TRMT2A: variants seen among roughly 807,000 people sequenced by gnomAD.
The protein encoded by TRMT2A is tRNA (uracil-5-)-methyltransferase homolog A.
In TRMT2A, 60 loss-of-function variants were observed where a neutral mutation model predicts 59.3. The ratio of observed to expected loss-of-function variants is 1.01; its 90% confidence interval spans 0.82 to 1.26. TRMT2A has a LOEUF of 1.26. Among genes scored for constraint, TRMT2A ranks in the 50% most tolerant of loss-of-function variants. The pLI is 0.00. For synonymous variants in TRMT2A, 403 were observed against 353.7 expected (o/e 1.14, Z -1.56); for missense variants, 863 against 845.2 (o/e 1.02, Z -0.26).
chr22:20,112,802 G>A lies in TRMT2A; in HGVS notation c.1647-8C>T, dbSNP rs750730065. ...GATGGGGCTCTGCAGAGGCTGTGGG[G>A]GGAAAAGGGGGGCGCTAAGGTCAGC... is the stretch of plus-strand genomic sequence containing the variant. On this transcript the variant is annotated splice_polypyrimidine_tract_variant and splice_region_variant and intron_variant, in intron 11 of 11. Transcript: ENST00000252136. 2 of 1,613,000 alleles carry A rather than the reference G, an allele frequency of 1.2e-6. No individual in the cohort carries two copies. Among genetic ancestry groups the A allele is most frequent in the Admixed American group, 1.7e-5 (1 of 60,010 alleles).
intron 9 of TRMT2A, 32 bp downstream of exon 9, chr22:20,113,400 T>TGCCCCCCCCC: frequency 6.7e-5 from 70 of 1,049,300 alleles, no homozygotes; most frequent in Non-Finnish European, 9.6e-5. Flanking sequence ...GCTGCCCCCA[T>TGCCCCCCCCC]CCCCACCCCC....
chr22:20,114,758 T>A lies in TRMT2A; in HGVS notation c.1121+3A>T. On this transcript the variant is annotated splice_donor_region_variant and intron_variant, in intron 6 of 11. Transcript: ENST00000252136. ...CCTGCCCCGCCCCACTCGGGCTCCT[T>A]ACCGCTGTCCCTCCTCCACGAAGTA... 6.2e-7 allele frequency: 1 copy of A among 1,612,288 alleles called. No homozygotes were observed. Among genetic ancestry groups the A allele is most frequent in the Non-Finnish European group, 8.5e-7 (1 of 1,179,738 alleles).
Position 20,114,705 on chromosome 22 carries a change from T to C in TRMT2A, c.1122-20A>G. 6.2e-7 allele frequency: 1 copy of C among 1,612,070 alleles called. No individual in the cohort carries two copies. Among genetic ancestry groups the C allele is most frequent in the Non-Finnish European group, 8.5e-7 (1 of 1,179,278 alleles). ...GTCTTTCTGTGGGCGAAGGTGCAGG[T>C]CCTTCAGTGTCACAGTCCCTGCAGG... On this transcript the variant is annotated intron_variant, in intron 6 of 11. Coordinates refer to ENST00000252136, the MANE Select transcript of TRMT2A (RefSeq NM_022727.6).
chr22:20,113,470 T>C lies in TRMT2A; in HGVS notation c.1394A>G (p.Glu465Gly). The change falls in exon 9 of 12, where the codon GAG (glutamate) becomes GGG (glycine). Residue 465 changes from glutamate to glycine, a missense_variant. By Grantham distance (98) the Glu-to-Gly change is moderately conservative (BLOSUM62 -2). Coordinates refer to ENST00000252136, the MANE Select transcript of TRMT2A (RefSeq NM_022727.6). ...KRVIGVELCP[E>G]AVEDARVNAQ... ...GTTCACCCGGGCGTCCTCCACAGCC[T>C]CTGGGCATAGCTCGACCCCAATGAC... 1 of 1,592,536 alleles carries C rather than the reference T, an allele frequency of 6.3e-7. No individual in the cohort carries two copies.
At chr22:20,113,399 A>AACCCCCCCCCC in intron 9 of TRMT2A, 33 bp downstream of exon 9, 2 of 713,636 alleles carry the variant, frequency 2.8e-6, no homozygotes, top group Non-Finnish European at 4.7e-6. Context: ...GGCTGCCCCC[A>AACCCCCCCCCC]TCCCCACCCC....
At chr22:20,114,341 A>T (rs1303602001) in intron 7 of TRMT2A, among the ~76,000 whole-genome samples, 1 of 152,176 alleles carries the variant, frequency 6.6e-6, no homozygotes, top group African/African-American at 2.4e-5. Flanking sequence ...TAATGCACTG[A>T]GGGCCACTCC....
Position 20,112,274 on chromosome 22 carries a change from C to T in TRMT2A, c.*289G>A. 2.1e-6 allele frequency: 1 copy of T among 473,706 alleles called. No individual in the cohort carries two copies. The allele number at this position is 473,706 out of a possible 1,614,324, so 29.3% of individuals were successfully genotyped here. ...CTGGCACCCAGGCCCTGTGTTCAGA[C>T]CCCTGGCTCTCATCACAGAAACACC... On this transcript the variant is annotated 3_prime_UTR_variant, in exon 12 of 12. Transcript: ENST00000252136.
intron 9 of TRMT2A, 30 bp downstream of exon 9, chr22:20,113,402 C>A: frequency 7.1e-7 from 1 of 1,402,244 alleles, no homozygotes; most frequent in Non-Finnish European, 1.0e-6. Flanking sequence ...TGCCCCCATC[C>A]CCACCCCCAC....
At chr22:20,113,396 C>A (rs766094954) in intron 9 of TRMT2A, 36 bp downstream of exon 9, 1 of 1,538,396 alleles carries the variant, frequency 6.5e-7, no homozygotes, top group Non-Finnish European at 8.9e-7. Context: ...GGCGGCTGCC[C>A]CCATCCCCAC....
At chr22:20,113,399 A>AGGC in intron 9 of TRMT2A, 33 bp downstream of exon 9, 23 of 713,614 alleles carry the variant, frequency 3.2e-5, no homozygotes, top group Non-Finnish European at 4.2e-5. Context: ...GGCTGCCCCC[A>AGGC]TCCCCACCCC....
rs746631237 is a variant in TRMT2A, at chr22:20,116,174, T to G, written c.463A>C (p.Arg155=). ...GGCTCACTCTCACCCTCCTGTCGCC[T>G]CCTCCTGGCCATGGGGTCGGCCTTG... is the stretch of plus-strand genomic sequence containing the variant. The part of the protein sequence containing the change: ...RPKADPMARR[R]RQEGESEPPV... The change falls in exon 2 of 12, where the codon AGG becomes CGG. Residue 155 remains arginine, a synonymous_variant. Transcript: ENST00000252136. 6 of 1,613,074 alleles carry G rather than the reference T, an allele frequency of 3.7e-6. No homozygotes were observed. The highest frequency in any genetic ancestry group is 2.2e-5 in the East Asian group (1 of 44,870).
rs1242151140 is a variant in TRMT2A at position 20,116,383 on chromosome 22, C to G, written c.254G>C (p.Ser85Thr). The change falls in exon 2 of 12, where the codon AGC (serine) becomes ACC (threonine). Residue 85 changes from serine to threonine, a missense_variant. Transcript: ENST00000252136. ...LELQNVPRHA[S>T]FSDVRRFLGR... is the part of the protein sequence containing the mutation. The stretch of plus-strand genomic sequence containing the variant: ...CAGGAAGCGCCGGACGTCGCTGAAG[C>G]TGGCGTGGCGAGGCACGTTCTGCAG... 1.9e-6 allele frequency: 3 copies of G among 1,612,130 alleles called. No individual in the cohort carries two copies. The highest frequency in any genetic ancestry group is 2.2e-5 in the East Asian group (1 of 44,854).
At chr22:20,113,393 G>GGCCCCCTGC in intron 9 of TRMT2A, 39 bp downstream of exon 9, 9 of 1,556,246 alleles carry the variant, frequency 5.8e-6, no homozygotes, top group Non-Finnish European at 7.9e-6. Flanking sequence ...GGTGGCGGCT[G>GGCCCCCTGC]CCCCCATCCC....
At chr22:20,116,821 T>G in intron 1 of TRMT2A, 62 bp downstream of exon 1, 1 of 1,453,600 alleles carries the variant, frequency 6.9e-7, no homozygotes, top group South Asian at 1.2e-5. Context: ...GCAGGTTTCC[T>G]GACCCACCCC....
Position 20,117,099 on chromosome 22 carries a change from G to GAGCAT in TRMT2A, c.-194_-193insATGCT. ...CCCAGGCGGGGCGGGACTCGAACCT[G>GAGCAT]CGATGCTCAGGTCCGGGTCTCAGGC... On this transcript the variant is annotated 5_prime_UTR_variant, in exon 1 of 12. In the 5' UTR this introduces an upstream ATG that the reference lacks. Coordinates refer to ENST00000252136, the MANE Select transcript of TRMT2A (RefSeq NM_022727.6). 1.4e-6 allele frequency: 1 copy of GAGCAT among 718,010 alleles called. No homozygotes were observed. The allele number at this position is 718,010 out of a possible 1,614,324, so 44.5% of individuals were successfully genotyped here. A position where few individuals can be genotyped will look rare whatever the true frequency, so the allele number is the denominator to read the frequency against.
At chr22:20,116,016 G>C (rs199785710) in intron 2 of TRMT2A, 22 bp downstream of exon 2, 51 of 1,535,190 alleles carry the variant, frequency 3.3e-5, no homozygotes, top group Non-Finnish European at 3.5e-5. Context: ...GGCCAAGAGG[G>C]GCGTCTTGCG....
rs201307391 is a variant in TRMT2A, at chr22:20,113,283, C to T, written c.1433-49G>A. 3.5e-4 allele frequency: 525 copies of T among 1,514,956 alleles called. 4 individuals are homozygous for T. The South Asian group carries it at 4.1e-3, about 12-fold the overall frequency. 93.8% of individuals were successfully genotyped at this position (1,514,956 alleles called of 1,614,324 possible). A position where few individuals can be genotyped will look rare whatever the true frequency, so the allele number is the denominator to read the frequency against. On this transcript the variant is annotated intron_variant, in intron 9 of 11. Transcript: ENST00000252136. The stretch of plus-strand genomic sequence containing the variant: ...GTCAGAGGGCCACATGCCCTCCCAG[C>T]AGGGCCAGCCCTGGGGAACCCCTAG...
At position 20,116,026 on chromosome 22, in the gene TRMT2A, G is replaced by A. The variant is rs766832422; in HGVS notation, c.599+12C>T. ...GCCCTGGCCAAGAGGGGCGTCTTGC[G>A]CCCACACTCACTTGGCAAGTTTCTG... On this transcript the variant is annotated intron_variant, in intron 2 of 11. Coordinates refer to ENST00000252136, the MANE Select transcript of TRMT2A (RefSeq NM_022727.6). 9 of 1,543,950 alleles carry A rather than the reference G, an allele frequency of 5.8e-6. No individual in the cohort carries two copies. The highest frequency in any genetic ancestry group is 3.8e-5 in the Admixed American group (2 of 52,450).
At position 20,112,634 on chromosome 22, in the gene TRMT2A, G is replaced by A; in HGVS notation, c.1807C>T (p.Pro603Ser). ...NGTGVLGPHS[P>S]PAQPTPGPPD... The stretch of plus-strand genomic sequence containing the variant: ...GGTCCTGGTGTGGGTTGAGCTGGAG[G>A]GCTGTGGGGCCCCAAGACCCCTGTG... Residue 603 changes from proline (P) to serine (S), a missense_variant, in exon 12 of 12, where the codon CCT becomes TCT. Transcript: ENST00000252136. 2 of 1,614,122 alleles carry A rather than the reference G, an allele frequency of 1.2e-6. No individual in the cohort carries two copies.
Sources: allele counts gnomAD v4.1 joint callset (sites outside exome capture counted in the v4.1 genomes callset), GRCh38; gene constraint gnomAD v4.1.1; transcripts MANE v1.5; gene names NCBI Gene and HGNC (gene_info 2026-07-23, HGNC 2026-07-21).